SLC9A3: variants seen among roughly 807,000 people sequenced by gnomAD.
SLC9A3 encodes the protein sodium/hydrogen exchanger 3.
A neutral mutation model predicts 86.8 loss-of-function variants in SLC9A3; 37 were observed. The ratio of observed to expected loss-of-function variants is 0.43; its 90% CI spans 0.33 to 0.56. SLC9A3 has a LOEUF of 0.56. SLC9A3 is among the 20% of genes least tolerant of loss of function. The pLI, the probability that SLC9A3 is intolerant of heterozygous loss-of-function variation, is 0.06. For missense variants in SLC9A3, 1,011 were observed against 1,171.9 expected (o/e 0.86, Z 2.00); for synonymous variants, 581 against 528.3 (o/e 1.10, Z -1.37).
In SLC9A3 at chr5:497,730, G is replaced by A. The variant is rs1468943251; in HGVS notation, c.212-5659C>T. Among the ~76,000 whole-genome samples the A allele has an allele frequency of 3.7e-5, 4 of 108,658 alleles. No individual in the cohort carries two copies. Among genetic ancestry groups the A allele is most frequent in the South Asian group, 3.3e-4 (1 of 3,066 alleles). 71.3% of individuals were successfully genotyped at this position (108,658 alleles called of 152,430 possible). On this transcript the variant is annotated intron_variant, in intron 1 of 16. Transcript: ENST00000264938. This position sits in a 1 kb window ranked among gnomAD's most constrained non-coding sequence, Gnocchi z 5.4. ...GCCCCTGTCCTGGGTGGGGTCGCCCGGCCGCATCCCCAGCCTCTGCCCCTG... is the reference window on the plus strand; with the variant it reads ...GCCCCTGTCCTGGGTGGGGTCGCCCAGCCGCATCCCCAGCCTCTGCCCCTG...
rs7380218 is a variant in SLC9A3, at chr5:507,329, A to C, written c.212-15258T>G. Among the ~76,000 whole-genome samples, 5 of 146,648 alleles carry C rather than the reference A, an allele frequency of 3.4e-5. 1 individual carries two copies. In the South Asian group the frequency reaches 8.7e-4, roughly 26 times the overall value. ...ACTACAGGCGCCCGCCACCACGCCC[A>C]GCTAATTTTTTGTATTTTTAGTAGA... On this transcript the variant is annotated intron_variant, in intron 1 of 16. Transcript: ENST00000264938.
chr5:482,679 G>A lies in SLC9A3; in HGVS notation c.1225C>T (p.Leu409=), dbSNP rs781251978. ...GCCCCGCGCAGGCCCCCGTAGGACA[G>A]GACCACCTGGTCAATGGGCTCCAGC... is the stretch of plus-strand genomic sequence containing the variant. ...VQLEPIDQVV[L]SYGGLRGAVA... The change falls in exon 7 of 17, where the codon CTG becomes TTG. Residue 409 remains leucine (L), a synonymous_variant. Coordinates refer to ENST00000264938, the MANE Select transcript of SLC9A3 (RefSeq NM_004174.4). The A allele has an allele frequency of 4.7e-5, 75 of 1,612,376 alleles. No homozygotes were observed. The highest frequency in any genetic ancestry group is 1.6e-4 in the Middle Eastern group (1 of 6,084).
intron 1 of SLC9A3, among the ~76,000 whole-genome samples, chr5:514,061 C>T (rs1270717563): frequency 6.6e-6 from 1 of 152,268 alleles, no homozygotes; most frequent in Non-Finnish European, 1.5e-5. Flanking sequence ...ACAATGGTGC[C>T]TGGCAAGGCC....
chr5:519,709 C>T (rs1016625842), intron 1 of SLC9A3, among the ~76,000 whole-genome samples: 6 of 152,108 alleles, frequency 3.9e-5, no homozygotes, highest in African/African-American at 7.2e-5. Flanking sequence ...GGGAACCTGG[C>T]GCTCAGGGAT....
At chr5:515,769 ACT>A (rs1560976230) in intron 1 of SLC9A3, among the ~76,000 whole-genome samples, 1 of 52,726 alleles carries the variant, frequency 1.9e-5, no homozygotes, top group Non-Finnish European at 3.8e-5. Context: ...ACACACACAC[ACT>A]CCCCCTGCCC....
chr5:484,517 C>G lies in SLC9A3; in HGVS notation c.932+3G>C. The G allele has an allele frequency of 6.2e-7, 1 of 1,612,126 alleles. No individual in the cohort carries two copies. Among genetic ancestry groups the G allele is most frequent in the Non-Finnish European group, 8.5e-7 (1 of 1,179,800 alleles). ...GAAGCTCGCGTGTGTGGGAGGGACTCACGCGAGGATGGCCGACAGCGACAG... is the reference window on the plus strand; with the variant it reads ...GAAGCTCGCGTGTGTGGGAGGGACTGACGCGAGGATGGCCGACAGCGACAG... On this transcript the variant is annotated splice_donor_region_variant and intron_variant, in intron 5 of 16. Transcript: ENST00000264938.
rs1241296660 is a variant in SLC9A3, at chr5:497,326, C to G, written c.212-5255G>C. On this transcript the variant is annotated intron_variant, in intron 1 of 16. Coordinates refer to ENST00000264938, the MANE Select transcript of SLC9A3 (RefSeq NM_004174.4). This position sits in a 1 kb window ranked among gnomAD's most constrained non-coding sequence, Gnocchi z 5.4. Reference sequence around the variant, plus strand: ...CCTCCAGGTGCAGGAGTCGACGCCCCCCACTGCCCTCGAAACCTGGTTTCT... The same window carrying G: ...CCTCCAGGTGCAGGAGTCGACGCCCGCCACTGCCCTCGAAACCTGGTTTCT... Among the ~76,000 whole-genome samples the G allele has an allele frequency of 6.6e-6, 1 of 152,162 alleles. No homozygotes were observed. The highest frequency in any genetic ancestry group is 1.5e-5 in the Non-Finnish European group (1 of 68,034).
chr5:522,635 G>A (rs965935148), intron 1 of SLC9A3, among the ~76,000 whole-genome samples: 4 of 151,084 alleles, frequency 2.6e-5, no homozygotes, highest in African/African-American at 9.8e-5. Flanking sequence ...GCTCATGCCT[G>A]TAATCCCAGC....
At chr5:483,977 G>A (rs979661088) in intron 5 of SLC9A3, among the ~76,000 whole-genome samples, 3 of 152,258 alleles carry the variant, frequency 2.0e-5, no homozygotes, top group Admixed American at 1.3e-4. Flanking sequence ...TTCCCCTCAC[G>A]GGGGTTCACG....
intron 1 of SLC9A3, among the ~76,000 whole-genome samples, chr5:517,746 C>CCCAT (rs201429949): frequency 0.021 from 3,091 of 149,686 alleles, 52 homozygotes; most frequent in Non-Finnish European, 0.032. Context: ...CATCCATTCA[C>CCCAT]CCATCCATCC....
rs1180074055 is a variant in SLC9A3 at position 491,461 on chromosome 5, A to C, written c.514+308T>G. Reference sequence around the variant, plus strand: ...TCTCCCTGGGACCTGGTGGCCGGCGAGTGTGGACGGACCCCTACCTCTGCC... The same window carrying C: ...TCTCCCTGGGACCTGGTGGCCGGCGCGTGTGGACGGACCCCTACCTCTGCC... On this transcript the variant is annotated intron_variant, in intron 2 of 16. Transcript: ENST00000264938. The surrounding 1 kb of genome is among the most constrained non-coding windows in gnomAD (Gnocchi z 9.2). Among the ~76,000 whole-genome samples, 1 of 151,758 alleles carries C rather than the reference A, an allele frequency of 6.6e-6. No individual in the cohort carries two copies. Among genetic ancestry groups the C allele is most frequent in the Non-Finnish European group, 1.5e-5 (1 of 67,952 alleles).
intron 3 of SLC9A3, 37 bp from the exon 4 acceptor site, chr5:485,268 G>A (rs1410432105): frequency 1.3e-6 from 2 of 1,545,602 alleles, no homozygotes; most frequent in South Asian, 1.1e-5. Flanking sequence ...GGTGGTCCTT[G>A]GTTAGTGCCA....
intron 1 of SLC9A3, among the ~76,000 whole-genome samples, chr5:513,896 C>A (rs1356617074): frequency 6.6e-6 from 1 of 152,244 alleles, no homozygotes; most frequent in Non-Finnish European, 1.5e-5. Context: ...GGCTGCGCCC[C>A]AGGGCTCCTC....
intron 9 of SLC9A3, 27 bp downstream of exon 9, chr5:481,538 A>G (rs760881977): frequency 6.3e-7 from 1 of 1,594,052 alleles, no homozygotes; most frequent in South Asian, 1.1e-5. Context: ...GCTGTGCGAC[A>G]CCGCCGGGGC....
chr5:470,509 A>G lies in SLC9A3; in HGVS notation c.*2870T>C, dbSNP rs1302661489. The G allele has an allele frequency of 1.3e-5, 2 of 152,350 alleles. No homozygotes were observed. Among genetic ancestry groups the G allele is most frequent in the Non-Finnish European group, 2.9e-5 (2 of 68,032 alleles). 9.4% of individuals were successfully genotyped at this position (152,350 alleles called of 1,614,324 possible). A position where few individuals can be genotyped will look rare whatever the true frequency, so the allele number is the denominator to read the frequency against. On this transcript the variant is annotated 3_prime_UTR_variant, in exon 17 of 17. Transcript: ENST00000264938. Reference sequence around the variant, plus strand: ...TTTATAAACAAAGTTTGCACCCAAAATGCCTTGAAATGTTTTTAATAGAAT... The same window carrying G: ...TTTATAAACAAAGTTTGCACCCAAAGTGCCTTGAAATGTTTTTAATAGAAT...
At chr5:485,899 G>GAGC (rs1739439921) in intron 3 of SLC9A3, among the ~76,000 whole-genome samples, 1 of 152,214 alleles carries the variant, frequency 6.6e-6, no homozygotes, top group Admixed American at 6.5e-5. Flanking sequence ...GGCCTTCTCG[G>GAGC]AGCTGGGCTT....
intron 1 of SLC9A3, among the ~76,000 whole-genome samples, chr5:522,946 C>T (rs1484124319): frequency 6.6e-6 from 1 of 151,970 alleles, no homozygotes; most frequent in Non-Finnish European, 1.5e-5. Context: ...CCCCGGCCAG[C>T]ATCCCAAGCC....
chr5:476,455 C>T (rs916304865), intron 12 of SLC9A3, 77 bp from the exon 13 acceptor site: 19 of 1,604,206 alleles, frequency 1.2e-5, no homozygotes, highest in African/African-American at 9.4e-5. Context: ...GAGCTGAGCA[C>T]GGATCCCCCG....
In SLC9A3 at chr5:498,979, A is replaced by G. The variant is rs547995652; in HGVS notation, c.212-6908T>C. On this transcript the variant is annotated intron_variant, in intron 1 of 16. Coordinates refer to ENST00000264938, the MANE Select transcript of SLC9A3 (RefSeq NM_004174.4). ...GCTTCTTCCTCCTGAGGAGGTGCCAAGGCCAGGCCTCTCCTTGGTGACCCT... is the reference window on the plus strand; with the variant it reads ...GCTTCTTCCTCCTGAGGAGGTGCCAGGGCCAGGCCTCTCCTTGGTGACCCT... Among the ~76,000 whole-genome samples, 3 of 152,234 alleles carry G rather than the reference A, an allele frequency of 2.0e-5. No homozygotes were observed. The East Asian group carries it at 5.8e-4, about 29-fold the overall frequency.
Sources: allele counts gnomAD v4.1 joint callset (sites outside exome capture counted in the v4.1 genomes callset), GRCh38; gene constraint gnomAD v4.1.1; non-coding constraint Gnocchi (gnomAD v3.1); transcripts MANE v1.5; gene names NCBI Gene and HGNC (gene_info 2026-07-23, HGNC 2026-07-21).